STRAP: variants seen among roughly 807,000 people sequenced by gnomAD.
STRAP encodes the protein serine/threonine kinase receptor associated protein.
Under a neutral mutation model 47.0 loss-of-function variants are expected in STRAP, and 16 were observed. The observed-to-expected ratio is 0.34, with a 90% CI of 0.23 to 0.52. STRAP has a LOEUF of 0.52. STRAP is among the 20% of genes least tolerant of loss of function. The pLI, the probability that STRAP is intolerant of heterozygous loss-of-function variation, is 0.96. For synonymous variants in STRAP, 130 were observed against 142.7 expected (o/e 0.91, Z 0.63); for missense variants, 293 against 420.0 (o/e 0.70, Z 2.64).
chr12:15,885,160 G>A (rs1304059922), intron 2 of STRAP, among the ~76,000 whole-genome samples: 1 of 150,304 alleles, frequency 6.7e-6, no homozygotes, highest in Admixed American at 6.6e-5. Context: ...AGACTTAAGA[G>A]GCTAGAGAGT....
chr12:15,890,583 C>T lies in STRAP; in HGVS notation c.331-14C>T. The stretch of plus-strand genomic sequence containing the variant: ...AAATGGTTAATCTATTCACATTTTA[C>T]TTTGTGTTTTCAGGATAGTAATTAT... On this transcript the variant is annotated splice_polypyrimidine_tract_variant and intron_variant, in intron 3 of 9. Coordinates refer to ENST00000419869, the MANE Select transcript of STRAP (RefSeq NM_007178.4). This position sits in a 1 kb window ranked among gnomAD's most constrained non-coding sequence, Gnocchi z 4.5. 1 of 1,597,446 alleles carries T rather than the reference C, an allele frequency of 6.3e-7. No individual in the cohort carries two copies. The highest frequency in any genetic ancestry group is 1.1e-5 in the South Asian group (1 of 88,658).
intron 2 of STRAP, among the ~76,000 whole-genome samples, chr12:15,889,284 A>G (rs1263909805): frequency 6.6e-6 from 1 of 152,180 alleles, no homozygotes; most frequent in African/African-American, 2.4e-5. Context: ...AAAACAATGT[A>G]AAGATTAAAA....
Position 15,902,294 on chromosome 12 carries a change from G to T in STRAP, c.992-623G>T, listed in dbSNP as rs1044365189. Among the ~76,000 whole-genome samples the T allele has an allele frequency of 2.0e-5, 3 of 152,156 alleles. No homozygotes were observed. In the East Asian group the frequency reaches 5.8e-4, roughly 29 times the overall value. On this transcript the variant is annotated intron_variant, in intron 9 of 9. Coordinates refer to ENST00000419869, the MANE Select transcript of STRAP (RefSeq NM_007178.4). ...GCCTATCATGTAGTTTTTAATAAGG[G>T]TATTGCAATGAGAACAGAAAAAGGT...
At chr12:15,886,433 A>C (rs570612073) in intron 2 of STRAP, among the ~76,000 whole-genome samples, 1 of 152,260 alleles carries the variant, frequency 6.6e-6, no homozygotes, top group South Asian at 2.1e-4. Context: ...CGATCTGCCC[A>C]CCATGGCAGG....
chr12:15,901,471 GC>G (rs1174632829), intron 9 of STRAP, among the ~76,000 whole-genome samples: 33 of 152,244 alleles, frequency 2.2e-4, no homozygotes, highest in Non-Finnish European at 2.9e-5. Context: ...AAGGAGCATA[GC>G]ATATGAGGAA....
At chr12:15,883,110 C>T (rs1011774003) in intron 1 of STRAP, 3 of 1,535,634 alleles carry the variant, frequency 2.0e-6, no homozygotes, top group Non-Finnish European at 2.6e-6. Context: ...CCTAGACTCT[C>T]GGGACAACAC....
At chr12:15,892,625 T>G (rs921710343) in intron 4 of STRAP, among the ~76,000 whole-genome samples, 11 of 152,196 alleles carry the variant, frequency 7.2e-5, no homozygotes, top group African/African-American at 2.4e-4. Context: ...CTTTTTAAAA[T>G]ATTTTACATT....
intron 4 of STRAP, among the ~76,000 whole-genome samples, chr12:15,892,703 T>G (rs1173441489): frequency 2.0e-5 from 3 of 152,244 alleles, no homozygotes; most frequent in Non-Finnish European, 4.4e-5. Context: ...TTGCAGATTT[T>G]TTTATTCTCC....
rs1948002945 is a variant in STRAP at position 15,890,189 on chromosome 12, T to C, written c.330+180T>C. Among the ~76,000 whole-genome samples the C allele has an allele frequency of 6.6e-6, 1 of 152,220 alleles. No homozygotes were observed. The highest frequency in any genetic ancestry group is 6.5e-5 in the Admixed American group (1 of 15,274). On this transcript the variant is annotated intron_variant, in intron 3 of 9. Transcript: ENST00000419869. This position sits in a 1 kb window ranked among gnomAD's most constrained non-coding sequence, Gnocchi z 4.5. The stretch of plus-strand genomic sequence containing the variant: ...CTCTATGAATTTGTTTCATAGTTAA[T>C]CCTGTCAAGCTTTTAAGATACTGTG...
Position 15,898,035 on chromosome 12 carries a change from C to G in STRAP, c.775+17C>G. On this transcript the variant is annotated intron_variant, in intron 7 of 9. Transcript: ENST00000419869. Reference sequence around the variant, plus strand: ...AAGAATTAGGTGAGTTGTCCCCTTACAGTGATGTGGTTACCTTTATCATAT... The same window carrying G: ...AAGAATTAGGTGAGTTGTCCCCTTAGAGTGATGTGGTTACCTTTATCATAT... 6.3e-7 allele frequency: 1 copy of G among 1,593,672 alleles called. No homozygotes were observed. The highest frequency in any genetic ancestry group is 8.5e-7 in the Non-Finnish European group (1 of 1,171,674).
At chr12:15,893,899 A>T in intron 4 of STRAP, 148 bp from the exon 5 acceptor site, 1 of 628,088 alleles carries the variant, frequency 1.6e-6, no homozygotes, top group Non-Finnish European at 2.8e-6. Flanking sequence ...TGTATTCTAT[A>T]TAAACATCAA....
chr12:15,883,395 T>G (rs1483463320), intron 1 of STRAP, 146 bp from the exon 2 acceptor site: 22 of 895,520 alleles, frequency 2.5e-5, no homozygotes, highest in Non-Finnish European at 3.5e-5. Context: ...TGCACATTCC[T>G]TAGTGCCTTC....
rs1207389368 is a variant in STRAP at position 15,894,677 on chromosome 12, C to G, written c.500+534C>G. Among the ~76,000 whole-genome samples the G allele has an allele frequency of 6.6e-6, 1 of 152,112 alleles. No homozygotes were observed. The highest frequency in any genetic ancestry group is 2.4e-5 in the African/African-American group (1 of 41,420). ...TGAAATCTGAGACTTTGAGTGCCGA[C>G]TTGATGCTTAAAGGAAATGCTCATT... On this transcript the variant is annotated intron_variant, in intron 5 of 9. Coordinates refer to ENST00000419869, the MANE Select transcript of STRAP (RefSeq NM_007178.4). This position sits in a 1 kb window ranked among gnomAD's most constrained non-coding sequence, Gnocchi z 4.9.
intron 1 of STRAP, chr12:15,883,021 A>G (rs1947936763): frequency 6.6e-7 from 1 of 1,522,304 alleles, no homozygotes; most frequent in Non-Finnish European, 8.8e-7. Flanking sequence ...ACGCTTTTGT[A>G]GAAACTATTA....
At chr12:15,893,982 TC>T (rs1948039129) in intron 4 of STRAP, 64 bp from the exon 5 acceptor site, 3 of 1,220,632 alleles carry the variant, frequency 2.5e-6, no homozygotes, top group East Asian at 4.7e-5. Context: ...ATATAATTGT[TC>T]CGATATTGTT....
chr12:15,885,684 T>G (rs2136107564), intron 2 of STRAP, among the ~76,000 whole-genome samples: 1 of 152,252 alleles, frequency 6.6e-6, no homozygotes, highest in South Asian at 2.1e-4. Flanking sequence ...ACATTTCAAG[T>G]CTCAATGTCT....
intron 2 of STRAP, among the ~76,000 whole-genome samples, chr12:15,885,576 A>G (rs1947964112): frequency 6.6e-6 from 1 of 151,240 alleles, no homozygotes; most frequent in African/African-American, 2.4e-5. Context: ...AAACATACCA[A>G]TTTTAGAATG....
rs891215728 is a variant in STRAP, at chr12:15,882,431, G to A, written c.-277G>A. The A allele has an allele frequency of 7.9e-6, 4 of 503,944 alleles. No homozygotes were observed. The highest frequency in any genetic ancestry group is 1.4e-5 in the Non-Finnish European group (4 of 279,948). The allele number at this position is 503,944 out of a possible 1,614,324, so 31.2% of individuals were successfully genotyped here. On this transcript the variant is annotated 5_prime_UTR_variant, in exon 1 of 10. Coordinates refer to ENST00000419869, the MANE Select transcript of STRAP (RefSeq NM_007178.4). Reference sequence around the variant, plus strand: ...TGCCGGTGTGGACGCTGTGAATCGTGGCTGGCCCGGTTCTCCGCTTCTCCC... The same window carrying A: ...TGCCGGTGTGGACGCTGTGAATCGTAGCTGGCCCGGTTCTCCGCTTCTCCC...
Position 15,895,382 on chromosome 12 carries a change from C to T in STRAP, c.524C>T (p.Thr175Ile), listed in dbSNP as rs1948051500. 1 of 1,589,820 alleles carries T rather than the reference C, an allele frequency of 6.3e-7. No homozygotes were observed. The highest frequency in any genetic ancestry group is 8.5e-7 in the Non-Finnish European group (1 of 1,172,754). Reference sequence around the variant, plus strand: ...AGACTTTGGGATCATGCTACTATGACAGAAGTGAAATCTCTAAATTTTAAT... The same window carrying T: ...AGACTTTGGGATCATGCTACTATGATAGAAGTGAAATCTCTAAATTTTAAT... ...TVRLWDHATM[T>I]EVKSLNFNMS... Residue 175 changes from threonine to isoleucine, a missense_variant, in exon 6 of 10, where the codon ACA becomes ATA. This residue lies in a region of STRAP where 152 missense variants were observed against 183.0 expected (regional missense o/e 0.83). Transcript: ENST00000419869.
Sources: allele counts gnomAD v4.1 joint callset (sites outside exome capture counted in the v4.1 genomes callset), GRCh38; gene constraint gnomAD v4.1.1; regional missense constraint gnomAD v4.1.1; non-coding constraint Gnocchi (gnomAD v3.1); transcripts MANE v1.5; gene names NCBI Gene and HGNC (gene_info 2026-07-23, HGNC 2026-07-21).